ZHX3: variants seen among roughly 807,000 people sequenced by gnomAD.
ZHX3 encodes zinc fingers and homeoboxes 3.
A neutral mutation model predicts 64.5 loss-of-function variants in ZHX3; 20 were observed. The observed-to-expected ratio is 0.31, with a 90% CI of 0.22 to 0.45. The LOEUF is 0.45. Among genes scored for constraint, ZHX3 ranks in the 20% least tolerant of loss-of-function variants. The pLI is 1.00. For synonymous variants in ZHX3, 423 were observed against 461.6 expected (o/e 0.92, Z 1.07); for missense variants, 1,041 against 1,195.8 (o/e 0.87, Z 1.91).
intron 2 of ZHX3, among the ~76,000 whole-genome samples, chr20:41,233,965 T>C (rs1006157635): frequency 4.6e-5 from 7 of 152,172 alleles, no homozygotes; most frequent in African/African-American, 7.2e-5. Context: ...CCCTTGCAGA[T>C]TGTACATAGC....
At chr20:41,267,883 G>A (rs1198891729) in intron 2 of ZHX3, among the ~76,000 whole-genome samples, 1 of 152,222 alleles carries the variant, frequency 6.6e-6, no homozygotes, top group Non-Finnish European at 1.5e-5. Context: ...GTGAGCACTA[G>A]GAGATGTGTA....
At position 41,204,744 on chromosome 20, in the gene ZHX3, C is replaced by T; in HGVS notation, c.173G>A (p.Ser58Asn). Residue 58 changes from serine (S) to asparagine (N), a missense_variant, in exon 3 of 4, where the codon AGT becomes AAT. Transcript: ENST00000683867. The surrounding 1 kb of genome is among the most constrained non-coding windows in gnomAD (Gnocchi z 6.6). ...ATTGGCCAGTGTAGAGCCATCAGTA[C>T]TGCTGGGGTTCTGTGCTGCCTCACT... is the stretch of plus-strand genomic sequence containing the variant. ...ASSEAAQNPSSTDGSTLANGH... is the reference protein window; with the variant it reads ...ASSEAAQNPSNTDGSTLANGH... 6.2e-7 allele frequency: 1 copy of T among 1,614,222 alleles called. No homozygotes were observed. The highest frequency in any genetic ancestry group is 8.5e-7 in the Non-Finnish European group (1 of 1,180,034).
At chr20:41,302,664 C>G (rs2044858540) in intron 1 of ZHX3, among the ~76,000 whole-genome samples, 1 of 152,238 alleles carries the variant, frequency 6.6e-6, no homozygotes, top group Non-Finnish European at 1.5e-5. Context: ...AGCTCCTATC[C>G]TAGGCCTGGT....
In ZHX3 at chr20:41,226,613, G is replaced by A. The variant is rs1014463291; in HGVS notation, c.-150-21547C>T. Among the ~76,000 whole-genome samples the A allele has an allele frequency of 7.9e-5, 12 of 152,142 alleles. No individual in the cohort carries two copies. The highest frequency in any genetic ancestry group is 2.9e-4 in the African/African-American group (12 of 41,418). On this transcript the variant is annotated intron_variant, in intron 2 of 3. Transcript: ENST00000683867. This position sits in a 1 kb window ranked among gnomAD's most constrained non-coding sequence, Gnocchi z 4.4. ...TGCTGGCAGAGCAGCAGAAATCACA[G>A]GAGTCATCAATTCGTCTTTACCTTT...
chr20:41,297,330 A>C (rs1053987930), intron 1 of ZHX3, among the ~76,000 whole-genome samples: 1 of 152,202 alleles, frequency 6.6e-6, no homozygotes, highest in Non-Finnish European at 1.5e-5. Flanking sequence ...CAGAGGAATA[A>C]CATCAGCTTC....
At chr20:41,257,030 A>G (rs2042294770) in intron 2 of ZHX3, among the ~76,000 whole-genome samples, 1 of 152,066 alleles carries the variant, frequency 6.6e-6, no homozygotes, top group Non-Finnish European at 1.5e-5. Context: ...AACATGCATA[A>G]ACCTCTAGCT....
At chr20:41,310,323 A>G (rs1411461384) in intron 1 of ZHX3, among the ~76,000 whole-genome samples, 3 of 152,124 alleles carry the variant, frequency 2.0e-5, no homozygotes, top group African/African-American at 2.4e-5. Context: ...CTTGACCTCA[A>G]TGGTATGTCA....
At chr20:41,255,510 A>G (rs1248020679) in intron 2 of ZHX3, among the ~76,000 whole-genome samples, 3 of 152,212 alleles carry the variant, frequency 2.0e-5, no homozygotes, top group Non-Finnish European at 4.4e-5. Flanking sequence ...CAAATTAATT[A>G]TATCAACCAG....
chr20:41,232,758 T>C lies in ZHX3; in HGVS notation c.-150-27692A>G, dbSNP rs2040704312. The stretch of plus-strand genomic sequence containing the variant: ...CCACCACCTCGCCCGGCTAATTTTT[T>C]GTATTTTTAGTAGAGACGGGGTTTC... On this transcript the variant is annotated intron_variant, in intron 2 of 3. Transcript: ENST00000683867. This position sits in a 1 kb window ranked among gnomAD's most constrained non-coding sequence, Gnocchi z 5.0. 6.6e-6 allele frequency among the ~76,000 whole-genome samples: 1 copy of C among 152,096 alleles called. No homozygotes were observed. Among genetic ancestry groups the C allele is most frequent in the African/African-American group, 2.4e-5 (1 of 41,424 alleles).
chr20:41,252,566 T>C (rs2042043967), intron 2 of ZHX3, among the ~76,000 whole-genome samples: 1 of 152,196 alleles, frequency 6.6e-6, no homozygotes, highest in African/African-American at 2.4e-5. Flanking sequence ...AACTGTAACA[T>C]GCCCATCTTA....
At chr20:41,248,883 A>G (rs1274170917) in intron 2 of ZHX3, among the ~76,000 whole-genome samples, 6 of 152,208 alleles carry the variant, frequency 3.9e-5, no homozygotes, top group African/African-American at 1.4e-4. Flanking sequence ...GTGTTTTTGC[A>G]AAAGACCCAA....
intron 2 of ZHX3, among the ~76,000 whole-genome samples, chr20:41,236,557 G>T (rs560957487): frequency 2.6e-5 from 4 of 152,038 alleles, no homozygotes; most frequent in East Asian, 1.9e-4. Flanking sequence ...CTGGGAAAAC[G>T]GGCTAGCCAT....
At position 41,212,862 on chromosome 20, in the gene ZHX3, G is replaced by A. The variant is rs1339143161; in HGVS notation, c.-150-7796C>T. On this transcript the variant is annotated intron_variant, in intron 2 of 3. Transcript: ENST00000683867. This position sits in a 1 kb window ranked among gnomAD's most constrained non-coding sequence, Gnocchi z 4.3. Reference sequence around the variant, plus strand: ...AAAACACCAGCAATTTAATTCCTAAGTATATACACAGTATAAATAAAAACA... The same window carrying A: ...AAAACACCAGCAATTTAATTCCTAAATATATACACAGTATAAATAAAAACA... Among the ~76,000 whole-genome samples the A allele has an allele frequency of 6.7e-6, 1 of 150,194 alleles. No homozygotes were observed. The highest frequency in any genetic ancestry group is 1.5e-5 in the Non-Finnish European group (1 of 67,666).
chr20:41,229,066 C>T lies in ZHX3; in HGVS notation c.-150-24000G>A, dbSNP rs563539501. 1.6e-3 allele frequency among the ~76,000 whole-genome samples: 247 copies of T among 152,304 alleles called. 1 individual carries two copies. Among genetic ancestry groups the T allele is most frequent in the Non-Finnish European group, 3.0e-3 (201 of 68,028 alleles). ...ACCTTACACCCATTAAACAATAACT[C>T]CCATTTCCTGCCCACCCCTGACTCC... is the stretch of plus-strand genomic sequence containing the variant. On this transcript the variant is annotated intron_variant, in intron 2 of 3. Transcript: ENST00000683867.
rs2036305304 is a variant in ZHX3, at chr20:41,183,181, G to A, written c.*2010C>T. ...GAGTATTTATACTGTATATGTGTGT[G>A]TGTATATATATATATATAAATTAAT... On this transcript the variant is annotated 3_prime_UTR_variant, in exon 4 of 4. Coordinates refer to ENST00000683867, the MANE Select transcript of ZHX3 (RefSeq NM_001384317.1). The surrounding 1 kb of genome is among the most constrained non-coding windows in gnomAD (Gnocchi z 5.3). 1 of 141,860 alleles carries A rather than the reference G, an allele frequency of 7.0e-6. No individual in the cohort carries two copies. The highest frequency in any genetic ancestry group is 1.6e-5 in the Non-Finnish European group (1 of 63,892). The allele number at this position is 141,860 out of a possible 1,614,324, so 8.8% of individuals were successfully genotyped here.
At chr20:41,229,697 C>A (rs2146375921) in intron 2 of ZHX3, among the ~76,000 whole-genome samples, 1 of 152,038 alleles carries the variant, frequency 6.6e-6, no homozygotes, top group African/African-American at 2.4e-5. Context: ...ATTTGTGTAT[C>A]TTCTTTGAAT....
At chr20:41,237,003 C>A (rs2041045544) in intron 2 of ZHX3, among the ~76,000 whole-genome samples, 2 of 152,158 alleles carry the variant, frequency 1.3e-5, no homozygotes, top group Non-Finnish European at 2.9e-5. Context: ...CCAAAAGACA[C>A]ATGAAAAAAT....
chr20:41,247,097 C>T (rs978568059), intron 2 of ZHX3, among the ~76,000 whole-genome samples: 2 of 151,928 alleles, frequency 1.3e-5, no homozygotes, highest in Admixed American at 6.6e-5. Flanking sequence ...CTTGTCTCTA[C>T]AAAAATACAA....
rs986522633 is a variant in ZHX3 at position 41,226,776 on chromosome 20, G to A, written c.-150-21710C>T. On this transcript the variant is annotated intron_variant, in intron 2 of 3. Coordinates refer to ENST00000683867, the MANE Select transcript of ZHX3 (RefSeq NM_001384317.1). The surrounding 1 kb of genome is among the most constrained non-coding windows in gnomAD (Gnocchi z 4.4). ...TTTTACTTGTCCAAAAGGGAAGGAA[G>A]CTATTATACCTTTCCTATCCCTTTC... Among the ~76,000 whole-genome samples the A allele has an allele frequency of 1.3e-5, 2 of 152,164 alleles. No individual in the cohort carries two copies. Among genetic ancestry groups the A allele is most frequent in the Non-Finnish European group, 2.9e-5 (2 of 68,022 alleles).
Sources: allele counts gnomAD v4.1 joint callset (sites outside exome capture counted in the v4.1 genomes callset), GRCh38; gene constraint gnomAD v4.1.1; non-coding constraint Gnocchi (gnomAD v3.1); transcripts MANE v1.5; gene names NCBI Gene and HGNC (gene_info 2026-07-23, HGNC 2026-07-21).